The following OSBPL10 variants were observed in gnomAD, a reference collection of about 807,000 sequenced individuals.
The protein encoded by OSBPL10 is oxysterol-binding protein-related protein 10.
OSBPL10 carries 49 observed loss-of-function variants against 81.7 expected under a neutral mutation model. That is an observed-to-expected ratio of 0.60 (90% CI 0.48 to 0.76). The LOEUF (loss-of-function observed/expected upper bound fraction) is 0.76. Among genes scored for constraint, OSBPL10 ranks in the 30% least tolerant of loss-of-function variants. OSBPL10 has a pLI of 0.00. For missense variants in OSBPL10, 923 were observed against 987.8 expected (o/e 0.93, Z 0.88); for synonymous variants, 419 against 383.6 (o/e 1.09, Z -1.08).
chr3:31,792,207 C>T (rs1407787980), intron 4 of OSBPL10, among the ~76,000 whole-genome samples: 1 of 147,334 alleles, frequency 6.8e-6, no homozygotes, highest in Non-Finnish European at 1.5e-5. Flanking sequence ...CCAGCCTGGG[C>T]AACAGAGACC....
At chr3:31,824,782 T>A (rs1477137983) in intron 4 of OSBPL10, among the ~76,000 whole-genome samples, 2 of 152,148 alleles carry the variant, frequency 1.3e-5, no homozygotes, top group Non-Finnish European at 2.9e-5. Context: ...GGGTTCTTCC[T>A]TGTTTGCCAG....
intron 8 of OSBPL10, among the ~76,000 whole-genome samples, chr3:31,673,761 G>A (rs1700384141): frequency 6.6e-6 from 1 of 152,092 alleles, no homozygotes; most frequent in Non-Finnish European, 1.5e-5. Context: ...AGTGATATAT[G>A]GGATGACACT....
intron 3 of OSBPL10, among the ~76,000 whole-genome samples, chr3:31,833,701 ACACG>A (rs879635047): frequency 0.02 from 2,322 of 118,302 alleles, 17 homozygotes; most frequent in African/African-American, 0.023. Flanking sequence ...ACGCACACGC[ACACG>A]CACACACACA....
At chr3:32,054,919 G>T (rs1043334749) in intron 1 of OSBPL10, among the ~76,000 whole-genome samples, 67 of 152,214 alleles carry the variant, frequency 4.4e-4, no homozygotes, top group African/African-American at 1.6e-3. Flanking sequence ...ACATAAGGTG[G>T]TTTATAGGAC....
chr3:31,693,071 C>T (rs1695603648), intron 7 of OSBPL10, among the ~76,000 whole-genome samples: 1 of 152,304 alleles, frequency 6.6e-6, no homozygotes, highest in African/African-American at 2.4e-5. Context: ...GGAGAGATAA[C>T]AGGCTTTGCT....
At chr3:31,795,709 AG>A (rs749787681) in intron 4 of OSBPL10, 1 of 214,080 alleles carries the variant, frequency 4.7e-6, no homozygotes, top group Non-Finnish European at 1.0e-5. Context: ...GAAATCTTTT[AG>A]GAACAGGTCT....
intron 8 of OSBPL10, among the ~76,000 whole-genome samples, chr3:31,678,963 A>C (rs373880266): frequency 7.2e-5 from 11 of 152,162 alleles, no homozygotes; most frequent in African/African-American, 2.4e-4. Flanking sequence ...GTCTACCCTC[A>C]GCGACTCCCA....
At chr3:31,910,896 C>T (rs1237419447) in intron 1 of OSBPL10, among the ~76,000 whole-genome samples, 1 of 152,202 alleles carries the variant, frequency 6.6e-6, no homozygotes, top group Non-Finnish European at 1.5e-5. Context: ...CCCCCTACTT[C>T]CTTTACTCAA....
intron 2 of OSBPL10, among the ~76,000 whole-genome samples, chr3:32,017,098 G>A (rs1699319491): frequency 6.6e-6 from 1 of 152,120 alleles, no homozygotes; most frequent in African/African-American, 2.4e-5. Context: ...TTAGAACGTG[G>A]GAAGAGGGCT....
At chr3:31,985,784 C>T (rs1698925814), upstream of OSBPL10, among the ~76,000 whole-genome samples, 1 of 152,222 alleles carries the variant, frequency 6.6e-6, no homozygotes, top group African/African-American at 2.4e-5. Context: ...ACAATAATAG[C>T]TAATGTATAT....
chr3:31,969,355 G>C (rs1698489007), intron 1 of OSBPL10: 1 of 152,394 alleles, frequency 6.6e-6, no homozygotes, highest in Non-Finnish European at 1.5e-5. Flanking sequence ...CCAGCCCAGA[G>C]GTGGCAAGAG....
At chr3:31,663,335 C>A (rs1700111678) in intron 11 of OSBPL10, 3 of 985,422 alleles carry the variant, frequency 3.0e-6, no homozygotes, top group Non-Finnish European at 3.6e-6. Context: ...TGGCATCTGC[C>A]CCAGCCCTCA....
At chr3:31,941,064 C>T (rs1697524165) in intron 1 of OSBPL10, among the ~76,000 whole-genome samples, 1 of 152,154 alleles carries the variant, frequency 6.6e-6, no homozygotes, top group African/African-American at 2.4e-5. Flanking sequence ...TAAATGTACT[C>T]AACGTTTGTC....
intron 1 of OSBPL10, among the ~76,000 whole-genome samples, chr3:31,933,858 C>T (rs35395448): frequency 0.057 from 8,709 of 152,042 alleles, 383 homozygotes; most frequent in East Asian, 0.17. Context: ...ACTCTCTAGG[C>T]CACTTAAACA....
intron 1 of OSBPL10, among the ~76,000 whole-genome samples, chr3:31,909,606 A>C (rs562538414): frequency 1.3e-5 from 2 of 152,260 alleles, no homozygotes; most frequent in South Asian, 4.1e-4. Context: ...GAACATTTCC[A>C]CAGTAACTCA....
At chr3:31,923,281 G>A (rs188159889) in intron 1 of OSBPL10, among the ~76,000 whole-genome samples, 10 of 152,224 alleles carry the variant, frequency 6.6e-5, no homozygotes, top group African/African-American at 2.4e-4. Context: ...ACATATGGCT[G>A]TTGTCCCTGG....
intron 1 of OSBPL10, among the ~76,000 whole-genome samples, chr3:31,901,440 C>T (rs1696237033): frequency 6.6e-6 from 1 of 152,210 alleles, no homozygotes; most frequent in Non-Finnish European, 1.5e-5. Flanking sequence ...GAACACTCAC[C>T]TATCCTGATC....
At chr3:31,780,233 C>T (rs1201480599) in intron 4 of OSBPL10, among the ~76,000 whole-genome samples, 1 of 152,042 alleles carries the variant, frequency 6.6e-6, no homozygotes, top group African/African-American at 2.4e-5. Flanking sequence ...GCAGAGCTTG[C>T]AGTGAGCCGA....
intron 5 of OSBPL10, 146 bp downstream of exon 5, chr3:31,747,764 G>T: frequency 1.2e-6 from 1 of 801,128 alleles, no homozygotes; most frequent in South Asian, 1.6e-5. Flanking sequence ...CCAAACAGTA[G>T]AGACGAAGGG....
Sources: allele counts gnomAD v4.1 joint callset (sites outside exome capture counted in the v4.1 genomes callset), GRCh38; gene constraint gnomAD v4.1.1; transcripts MANE v1.5; gene names NCBI Gene and HGNC (gene_info 2026-07-23, HGNC 2026-07-21).